COL25A1: variants seen among roughly 807,000 people sequenced by gnomAD.
COL25A1 encodes the protein collagen alpha-1(XXV) chain.
A neutral mutation model predicts 128.4 loss-of-function variants in COL25A1; 103 were observed. That is an observed-to-expected ratio of 0.80 (90% CI 0.68 to 0.94). COL25A1 has a LOEUF of 0.94. Among genes scored for constraint, COL25A1 ranks in the 40% least tolerant of loss-of-function variants. The probability of loss-of-function intolerance (pLI) is 0.00; values close to 1 mark genes in which losing one functional copy is unlikely to be tolerated. For missense variants in COL25A1, 745 were observed against 840.0 expected (o/e 0.89, Z 1.40); for synonymous variants, 279 against 277.2 (o/e 1.01, Z -0.06).
chr4:108,821,641 TATAGGA>T (rs1731782408), intron 35 of COL25A1, among the ~76,000 whole-genome samples: 1 of 152,210 alleles, frequency 6.6e-6, no homozygotes, highest in African/African-American at 2.4e-5. Flanking sequence ...TGTGCCAGGC[TATAGGA>T]ATCATTTTTC....
intron 3 of COL25A1, among the ~76,000 whole-genome samples, chr4:109,185,626 C>T (rs1416786793): frequency 6.6e-6 from 1 of 152,182 alleles, no homozygotes; most frequent in Admixed American, 6.5e-5. Context: ...AATGCTAAAT[C>T]CCTAACCCCC....
chr4:109,137,892 T>C (rs1259307414), intron 3 of COL25A1, among the ~76,000 whole-genome samples: 1 of 152,118 alleles, frequency 6.6e-6, no homozygotes, highest in African/African-American at 2.4e-5. Context: ...AGTTGAAGCA[T>C]GTTTGGTTAT....
At chr4:109,109,171 C>A (rs4541603) in intron 3 of COL25A1, among the ~76,000 whole-genome samples, 2 of 151,908 alleles carry the variant, frequency 1.3e-5, no homozygotes, top group African/African-American at 2.4e-5. Context: ...TCACCACAAC[C>A]TCCTCCTCCT....
At chr4:109,087,760 T>C (rs1019956306) in intron 3 of COL25A1, among the ~76,000 whole-genome samples, 3 of 152,194 alleles carry the variant, frequency 2.0e-5, no homozygotes, top group African/African-American at 7.2e-5. Context: ...CAAAAATTTA[T>C]TGCTTTTTGC....
chr4:109,094,267 T>C (rs1174339937), intron 3 of COL25A1, among the ~76,000 whole-genome samples: 3 of 152,248 alleles, frequency 2.0e-5, no homozygotes, highest in Non-Finnish European at 2.9e-5. Flanking sequence ...TATTTAGGCT[T>C]GACTAGTCAA....
chr4:109,089,579 T>C (rs939763687), intron 3 of COL25A1, among the ~76,000 whole-genome samples: 2 of 152,170 alleles, frequency 1.3e-5, no homozygotes, highest in African/African-American at 4.8e-5. Context: ...GACAGTTACA[T>C]CTATTATTTC....
intron 8 of COL25A1, among the ~76,000 whole-genome samples, chr4:108,973,304 C>T (rs114772095): frequency 1.6e-3 from 241 of 152,142 alleles, no homozygotes; most frequent in African/African-American, 5.5e-3. Flanking sequence ...GTAACTGCCA[C>T]GAGAAACAAA....
At chr4:108,966,969 A>G in intron 8 of COL25A1, among the ~76,000 whole-genome samples, 1 of 152,040 alleles carries the variant, frequency 6.6e-6, no homozygotes, top group Non-Finnish European at 1.5e-5. Flanking sequence ...GAAAGAAAGA[A>G]AAAGAAAGAA....
chr4:109,272,458 T>C (rs1238342734), intron 3 of COL25A1, among the ~76,000 whole-genome samples: 1 of 152,168 alleles, frequency 6.6e-6, no homozygotes, highest in Admixed American at 6.5e-5. Context: ...TTCCCTCATG[T>C]AATGGGTATA....
chr4:109,056,812 C>T (rs917831076), intron 3 of COL25A1, among the ~76,000 whole-genome samples: 4 of 152,092 alleles, frequency 2.6e-5, no homozygotes, highest in Non-Finnish European at 5.9e-5. Context: ...CTGGTTATTC[C>T]AGAATATACT....
chr4:109,284,849 A>G (rs1485973772), intron 3 of COL25A1, among the ~76,000 whole-genome samples: 1 of 151,722 alleles, frequency 6.6e-6, no homozygotes, highest in Non-Finnish European at 1.5e-5. Flanking sequence ...GAAAAAAAAA[A>G]AAAACCTATA....
intron 3 of COL25A1, among the ~76,000 whole-genome samples, chr4:109,085,191 G>A (rs1035593252): frequency 2.6e-5 from 4 of 152,042 alleles, no homozygotes; most frequent in Admixed American, 6.5e-5. Context: ...CACCATTACC[G>A]GACTGAGTCC....
intron 3 of COL25A1, among the ~76,000 whole-genome samples, chr4:109,210,764 T>C (rs145109513): frequency 1.9e-3 from 286 of 152,242 alleles, no homozygotes; most frequent in African/African-American, 6.2e-3. Flanking sequence ...GTTTCCCCTG[T>C]TCCTGGATAA....
At chr4:109,192,202 G>C (rs1188934358) in intron 3 of COL25A1, among the ~76,000 whole-genome samples, 1 of 152,176 alleles carries the variant, frequency 6.6e-6, no homozygotes, top group Non-Finnish European at 1.5e-5. Context: ...CCCAGTAATG[G>C]ATGACCATAT....
At chr4:108,960,000 A>G (rs1168117298) in intron 8 of COL25A1, among the ~76,000 whole-genome samples, 1 of 152,174 alleles carries the variant, frequency 6.6e-6, no homozygotes, top group Non-Finnish European at 1.5e-5. Context: ...AAAGGCTGCA[A>G]GACTGAAAAG....
At chr4:108,873,088 T>C (rs888929213) in intron 19 of COL25A1, among the ~76,000 whole-genome samples, 2 of 152,080 alleles carry the variant, frequency 1.3e-5, no homozygotes, top group African/African-American at 4.8e-5. Flanking sequence ...AGACTAGGTC[T>C]TGCTATGTTG....
chr4:108,831,924 A>G (rs1262588107), intron 32 of COL25A1, among the ~76,000 whole-genome samples: 1 of 152,062 alleles, frequency 6.6e-6, no homozygotes, highest in Admixed American at 6.6e-5. Flanking sequence ...AAAAAGGGGG[A>G]GCATTTGTAA....
At chr4:108,976,814 G>A (rs1167911151) in intron 6 of COL25A1, among the ~76,000 whole-genome samples, 1 of 152,134 alleles carries the variant, frequency 6.6e-6, no homozygotes, top group East Asian at 1.9e-4. Context: ...TCTGGTAACA[G>A]CTGTGAAATT....
At chr4:109,131,761 C>T (rs566406877) in intron 3 of COL25A1, among the ~76,000 whole-genome samples, 1 of 152,340 alleles carries the variant, frequency 6.6e-6, no homozygotes, top group African/African-American at 2.4e-5. Context: ...TCCTCCTCAC[C>T]TCCCCATTCA....
Sources: allele counts gnomAD v4.1 joint callset (sites outside exome capture counted in the v4.1 genomes callset), GRCh38; gene constraint gnomAD v4.1.1; transcripts MANE v1.5; gene names NCBI Gene and HGNC (gene_info 2026-07-23, HGNC 2026-07-21).